Variants in SEZ6 observed in about 807,000 individuals in gnomAD.
The protein encoded by SEZ6 is seizure protein 6 homolog.
SEZ6 carries 53 observed loss-of-function variants against 101.0 expected under a neutral mutation model. That is an observed-to-expected ratio of 0.52 (90% confidence interval 0.42 to 0.66). SEZ6 has a LOEUF of 0.66. Ranked by LOEUF, SEZ6 falls within the 30% of genes least tolerant of loss-of-function variation. The pLI, the probability that SEZ6 is intolerant of heterozygous loss-of-function variation, is 0.00. For synonymous variants in SEZ6, 488 were observed against 512.2 expected (o/e 0.95, Z 0.64); for missense variants, 1,102 against 1,289.4 (o/e 0.85, Z 2.23).
intron 1 of SEZ6, among the ~76,000 whole-genome samples, chr17:28,995,764 G>A (rs1442769133): frequency 6.6e-6 from 1 of 152,178 alleles, no homozygotes; most frequent in Non-Finnish European, 1.5e-5. Flanking sequence ...AGCTGGTGGT[G>A]GTGGGACCCA....
chr17:28,995,451 T>G (rs191384083), intron 1 of SEZ6, among the ~76,000 whole-genome samples: 2 of 151,896 alleles, frequency 1.3e-5, no homozygotes, highest in African/African-American at 4.8e-5. Flanking sequence ...TGTGCTAGAC[T>G]CCATGCTGCC....
At chr17:28,956,547 T>C in intron 14 of SEZ6, 80 bp from the exon 15 acceptor site, 3 of 1,489,012 alleles carry the variant, frequency 2.0e-6, no homozygotes, top group East Asian at 4.9e-5. Flanking sequence ...CCCAAGGGCA[T>C]CTGACTACCA....
intron 10 of SEZ6, 22 bp from the exon 11 acceptor site, chr17:28,958,163 A>T (rs1488398512): frequency 8.3e-6 from 13 of 1,575,026 alleles, no homozygotes; most frequent in Middle Eastern, 4.0e-4. Flanking sequence ...GAGGCACAAG[A>T]TGCAGGCCCT....
chr17:28,969,696 C>T, intron 4 of SEZ6, 61 bp downstream of exon 4: 3 of 1,376,842 alleles, frequency 2.2e-6, no homozygotes, highest in South Asian at 1.8e-5. Context: ...AGAGACCCCC[C>T]TCCCCAGCAA....
intron 11 of SEZ6, 82 bp from the exon 12 acceptor site, chr17:28,957,621 G>T (rs2040905068): frequency 2.8e-6 from 4 of 1,445,926 alleles, no homozygotes; most frequent in Non-Finnish European, 3.7e-6. Flanking sequence ...TTCCAGGCCA[G>T]CTAACTTCTT....
chr17:28,979,575 A>G lies in SEZ6; in HGVS notation c.858+105T>C, dbSNP rs955282974. 45 of 1,525,270 alleles carry G rather than the reference A, an allele frequency of 3.0e-5. No homozygotes were observed. The Admixed American group carries it at 5.1e-4, about 17-fold the overall frequency. The allele number at this position is 1,525,270 out of a possible 1,614,324, so 94.5% of individuals were successfully genotyped here. ...CCCTGGCCTTAGGCGATGCCCCACA[A>G]TTGATGCCCCTAATCATCCCCACAT... On this transcript the variant is annotated intron_variant, in intron 3 of 16. Transcript: ENST00000317338.
Position 28,959,794 on chromosome 17 carries a change from A to G in SEZ6, c.1675T>C (p.Cys559Arg). Residue 559 changes from cysteine (C) to arginine (R), a missense_variant, in exon 8 of 17, where the codon TGC (cysteine) becomes CGC (arginine). This residue lies in a region of SEZ6 where 556 missense variants were observed against 735.1 expected (regional missense o/e 0.76). Transcript: ENST00000317338. The surrounding 1 kb of genome is among the most constrained non-coding windows in gnomAD (Gnocchi z 4.4). ...YPVGTTVEFS[C>R]DPGYTLEQGS... The stretch of plus-strand genomic sequence containing the variant: ...TGCTCCAGGGTGTAGCCAGGGTCGC[A>G]GCTGAACTCCACAGTGGTACCCACA... The G allele has an allele frequency of 6.2e-7, 1 of 1,613,914 alleles. No individual in the cohort carries two copies. The highest frequency in any genetic ancestry group is 8.5e-7 in the Non-Finnish European group (1 of 1,179,858).
At chr17:28,995,468 T>G (rs939959845) in intron 1 of SEZ6, among the ~76,000 whole-genome samples, 5 of 152,036 alleles carry the variant, frequency 3.3e-5, no homozygotes. Context: ...TGCCCCATCA[T>G]CTACACCATC....
At chr17:28,968,011 G>C (rs541352019) in intron 4 of SEZ6, among the ~76,000 whole-genome samples, 1 of 147,856 alleles carries the variant, frequency 6.8e-6, no homozygotes, top group Non-Finnish European at 1.5e-5. Flanking sequence ...TCCCCACCCT[G>C]CCTGAGGCTG....
intron 3 of SEZ6, among the ~76,000 whole-genome samples, chr17:28,979,467 G>C (rs575912254): frequency 6.6e-6 from 1 of 152,238 alleles, no homozygotes; most frequent in Non-Finnish European, 1.5e-5. Flanking sequence ...TCCAAGGCTA[G>C]AGCCCCCTCC....
chr17:28,980,391 A>T (rs1165420279), intron 2 of SEZ6, among the ~76,000 whole-genome samples: 2 of 143,922 alleles, frequency 1.4e-5, no homozygotes, highest in African/African-American at 5.2e-5. Flanking sequence ...TTTTTTTGAG[A>T]CAGAGTCTCG....
chr17:28,977,099 TTAAC>T (rs5819859), intron 3 of SEZ6, among the ~76,000 whole-genome samples: 21,081 of 152,220 alleles, frequency 0.14, 1,524 homozygotes, highest in South Asian at 0.25. Context: ...TAATTAGTAA[TTAAC>T]TGACTGACTT....
Position 28,956,776 on chromosome 17 carries a change from GC to G in SEZ6, c.2693-20del. ...AGAGAGGCTGGAACAAAAGGGGAGGGCCAAGGGCAGTGAGTGAGCCCAATGG... is the reference window on the plus strand; with the variant it reads ...AGAGAGGCTGGAACAAAAGGGGAGGGCAAGGGCAGTGAGTGAGCCCAATGG... On this transcript the variant is annotated intron_variant, in intron 13 of 16. Coordinates refer to ENST00000317338, the MANE Select transcript of SEZ6 (RefSeq NM_178860.5). 1 of 1,559,784 alleles carries G rather than the reference GC, an allele frequency of 6.4e-7. No individual in the cohort carries two copies. The highest frequency in any genetic ancestry group is 1.2e-5 in the South Asian group (1 of 84,436).
At chr17:28,964,354 C>G (rs1387689493) in intron 4 of SEZ6, among the ~76,000 whole-genome samples, 1 of 152,160 alleles carries the variant, frequency 6.6e-6, no homozygotes, top group East Asian at 1.9e-4. Context: ...GTGGAGCAGA[C>G]AGAGCTGGAA....
intron 2 of SEZ6, 101 bp from the exon 3 acceptor site, chr17:28,979,914 T>C (rs994440990): frequency 3.1e-6 from 4 of 1,285,980 alleles, no homozygotes; most frequent in Non-Finnish European, 4.1e-6. Context: ...TGTGTGTGTG[T>C]GTGTGTGTGT....
rs534020427 is a variant in SEZ6 at position 28,983,453 on chromosome 17, C to CA, written c.56-1415dup. ...CTGGTCCTTAGCAACTTCCCTCTCA[C>CA]AATGTTATTCAGGCAGCCACTACCA... On this transcript the variant is annotated intron_variant, in intron 1 of 16. Transcript: ENST00000317338. Among the ~76,000 whole-genome samples, 8 of 152,244 alleles carry CA rather than the reference C, an allele frequency of 5.3e-5. No individual in the cohort carries two copies. In the East Asian group the frequency reaches 1.5e-3, roughly 29 times the overall value.
At chr17:29,003,803 G>A (rs1244047567) in intron 1 of SEZ6, among the ~76,000 whole-genome samples, 1 of 152,164 alleles carries the variant, frequency 6.6e-6, no homozygotes, top group African/African-American at 2.4e-5. Flanking sequence ...GAAAATAGAG[G>A]TCTTTCCCAA....
chr17:28,999,280 T>A (rs565858794), intron 1 of SEZ6, among the ~76,000 whole-genome samples: 1 of 151,994 alleles, frequency 6.6e-6, no homozygotes, highest in East Asian at 1.9e-4. Flanking sequence ...AGGGGATGAG[T>A]GACACAGGGC....
intron 5 of SEZ6, among the ~76,000 whole-genome samples, chr17:28,962,262 C>T (rs1350313974): frequency 6.6e-6 from 1 of 152,204 alleles, no homozygotes; most frequent in Non-Finnish European, 1.5e-5. Flanking sequence ...TTTCTGAAAT[C>T]CTTCCATGCT....
Sources: allele counts gnomAD v4.1 joint callset (sites outside exome capture counted in the v4.1 genomes callset), GRCh38; gene constraint gnomAD v4.1.1; regional missense constraint gnomAD v4.1.1; non-coding constraint Gnocchi (gnomAD v3.1); transcripts MANE v1.5; gene names NCBI Gene and HGNC (gene_info 2026-07-23, HGNC 2026-07-21).